Variants in ITIH3 observed in about 807,000 individuals in gnomAD.
ITIH3 encodes the protein inter-alpha-trypsin inhibitor heavy chain H3.
A neutral mutation model predicts 96.5 loss-of-function variants in ITIH3; 81 were observed. The observed-to-expected ratio is 0.84, with a 90% CI of 0.70 to 1.01. ITIH3 has a LOEUF of 1.01. ITIH3 is among the 50% of genes least tolerant of loss of function. The pLI is 0.00. For missense variants in ITIH3, 1,057 were observed against 1,139.3 expected (o/e 0.93, Z 1.04); for synonymous variants, 422 against 445.2 (o/e 0.95, Z 0.66).
At position 52,807,826 on chromosome 3, in the gene ITIH3, G is replaced by C. The variant is rs1339822988; in HGVS notation, c.2341G>C (p.Val781Leu). 6.2e-7 allele frequency: 1 copy of C among 1,611,734 alleles called. No individual in the cohort carries two copies. The highest frequency in any genetic ancestry group is 1.3e-5 in the African/African-American group (1 of 74,888). ...TACCTTCGTGGTCGTCCTACACCAG[G>C]TGTGGAAGAAACATCCTGTCCACCG... is the stretch of plus-strand genomic sequence containing the variant. ...GVTFVVVLHQ[V>L]WKKHPVHRDF... The change falls in exon 20 of 22, where the codon GTG becomes CTG. Residue 781 changes from valine (V) to leucine (L), a missense_variant. Physicochemically the swap from Val to Leu is conservative, Grantham distance 32. Coordinates refer to ENST00000449956, the MANE Select transcript of ITIH3 (RefSeq NM_002217.4).
chr3:52,806,347 G>A lies in ITIH3; in HGVS notation c.1997G>A (p.Cys666Tyr). ...IQIPEKDDAL[C>Y]FNIDEAPGTV... ...ATTCCGGAGAAAGACGATGCCCTCT[G>A]CTTCAACATCGATGAAGCCCCAGGC... Residue 666 changes from cysteine (C) to tyrosine (Y), a missense_variant, in exon 18 of 22, where the codon TGC becomes TAC. Physicochemically the swap from Cys to Tyr is radical, Grantham distance 194. Transcript: ENST00000449956. 1 of 1,614,000 alleles carries A rather than the reference G, an allele frequency of 6.2e-7. No homozygotes were observed. The highest frequency in any genetic ancestry group is 1.1e-5 in the South Asian group (1 of 91,078).
intron 15 of ITIH3, chr3:52,805,228 C>T: frequency 1.1e-6 from 1 of 917,708 alleles, no homozygotes; most frequent in Non-Finnish European, 1.3e-6. Flanking sequence ...TCTCTCACCA[C>T]AAAACTGGAA....
chr3:52,802,657 C>T lies in ITIH3; in HGVS notation c.1570-10C>T. The T allele has an allele frequency of 6.2e-7, 1 of 1,613,864 alleles. No homozygotes were observed. ...CTCCAGCCCCTTGCCTCCTTCTACC[C>T]CCACCCTAGGCCACCAACGACCTGA... On this transcript the variant is annotated splice_polypyrimidine_tract_variant and intron_variant, in intron 12 of 21. Transcript: ENST00000449956.
At chr3:52,802,012 C>G (rs191690359) in intron 11 of ITIH3, among the ~76,000 whole-genome samples, 83 of 152,258 alleles carry the variant, frequency 5.5e-4, no homozygotes, top group African/African-American at 1.9e-3. Flanking sequence ...TCTCTTACTT[C>G]CTTTTCTCCT....
At chr3:52,796,317 T>C (rs1039419294) in intron 2 of ITIH3, among the ~76,000 whole-genome samples, 164 bp from the exon 3 acceptor site, 1 of 152,092 alleles carries the variant, frequency 6.6e-6, no homozygotes, top group South Asian at 2.1e-4. Context: ...ACATGGAGAC[T>C]GGAGACGCCA....
intron 10 of ITIH3, 129 bp from the exon 11 acceptor site, chr3:52,800,836 G>C (rs1699804623): frequency 1.4e-6 from 2 of 1,465,820 alleles, no homozygotes; most frequent in Non-Finnish European, 1.9e-6. Flanking sequence ...TCCACCACCT[G>C]CCCCACAAGG....
At position 52,799,808 on chromosome 3, in the gene ITIH3, A is replaced by C. The variant is rs1378387371; in HGVS notation, c.962A>C (p.Asn321Thr). The C allele has an allele frequency of 1.2e-6, 2 of 1,613,678 alleles. No individual in the cohort carries two copies. The highest frequency in any genetic ancestry group is 2.7e-5 in the African/African-American group (2 of 74,932). Residue 321 changes from asparagine (N) to threonine (T), a missense_variant, in exon 9 of 22, where the codon AAT becomes ACT. Transcript: ENST00000449956. ...GATATGCAAGAGGAAGACTATCTGA[A>C]TTTCATCCTGTTCAGTGGAGATGTG... Reference protein sequence around the residue: ...LEDMQEEDYLNFILFSGDVST... With the variant: ...LEDMQEEDYLTFILFSGDVST...
rs778090412 is a variant in ITIH3, at chr3:52,807,886, C to G, written c.2401C>G (p.Arg801Gly). 1 of 1,612,460 alleles carries G rather than the reference C, an allele frequency of 6.2e-7. No individual in the cohort carries two copies. Among genetic ancestry groups the G allele is most frequent in the Non-Finnish European group, 8.5e-7 (1 of 1,179,348 alleles). Reference sequence around the variant, plus strand: ...AGGCTTCTACGTGGTGGACAGTCACCGGATGTCAGCACAGACGCATGGGCT... The same window carrying G: ...AGGCTTCTACGTGGTGGACAGTCACGGGATGTCAGCACAGACGCATGGGCT... ...FLGFYVVDSHRMSAQTHGLLG... is the reference protein window; with the variant it reads ...FLGFYVVDSHGMSAQTHGLLG... The change falls in exon 20 of 22, where the codon CGG becomes GGG. Residue 801 changes from arginine to glycine, a missense_variant. By Grantham distance (125) the Arg-to-Gly change is moderately radical. Transcript: ENST00000449956.
At chr3:52,797,539 A>T (rs995052099) in intron 5 of ITIH3, among the ~76,000 whole-genome samples, 8 of 152,224 alleles carry the variant, frequency 5.3e-5, no homozygotes, top group Admixed American at 1.3e-4. Flanking sequence ...CACTGGGCAC[A>T]TGGGCATTTT....
At chr3:52,802,581 G>A (rs1012255531) in intron 12 of ITIH3, 62 bp downstream of exon 12, 18 of 1,610,768 alleles carry the variant, frequency 1.1e-5, no homozygotes, top group Non-Finnish European at 1.4e-5. Context: ...GTAGGGCTCT[G>A]GCCTCATGAG....
chr3:52,797,781 T>C, intron 5 of ITIH3, 36 bp from the exon 6 acceptor site: 1 of 1,371,388 alleles, frequency 7.3e-7, no homozygotes, highest in South Asian at 1.2e-5. Context: ...GCCTCTGAGG[T>C]CACTGAGTGA....
At chr3:52,803,732 T>C in intron 13 of ITIH3, 123 bp from the exon 14 acceptor site, 4 of 1,109,360 alleles carry the variant, frequency 3.6e-6, no homozygotes, top group Non-Finnish European at 5.2e-6. Context: ...GGCTGTACCC[T>C]GGGGGACCCC....
intron 11 of ITIH3, 54 bp from the exon 12 acceptor site, chr3:52,802,280 A>G: frequency 6.3e-7 from 1 of 1,579,856 alleles, no homozygotes; most frequent in Non-Finnish European, 8.7e-7. Flanking sequence ...CAGCTGCAGC[A>G]TCAGTGGGAG....
chr3:52,799,977 A>C lies in ITIH3; in HGVS notation c.1075+56A>C. On this transcript the variant is annotated intron_variant, in intron 9 of 21. Transcript: ENST00000449956. The stretch of plus-strand genomic sequence containing the variant: ...CTAGCGGTGCCTCCCTCTGTCCCTG[A>C]GCAGCCTGCAACCCCCCTCTTAGGG... 5 of 1,547,550 alleles carry C rather than the reference A, an allele frequency of 3.2e-6. No individual in the cohort carries two copies. In the Admixed American group the frequency reaches 9.0e-5, roughly 28 times the overall value.
intron 15 of ITIH3, 126 bp downstream of exon 15, chr3:52,804,860 C>A: frequency 1.9e-6 from 2 of 1,063,172 alleles, no homozygotes; most frequent in Non-Finnish European, 2.8e-6. Context: ...TGGGCTCAGG[C>A]CCAGCCCTAT....
Position 52,800,703 on chromosome 3 carries a change from G to A in ITIH3, c.1201+40G>A, listed in dbSNP as rs759086775. The stretch of plus-strand genomic sequence containing the variant: ...CATGGTTTTGAGCTAGGGCTGGAGT[G>A]CTTGGCTGCTGCTCCTGGCTCTGTA... On this transcript the variant is annotated intron_variant, in intron 10 of 21. Transcript: ENST00000449956. 5.0e-6 allele frequency: 8 copies of A among 1,588,256 alleles called. No homozygotes were observed. In the African/African-American group the frequency reaches 9.4e-5, roughly 19 times the overall value.
chr3:52,796,557 C>G lies in ITIH3; in HGVS notation c.191C>G (p.Thr64Ser). 6.2e-7 allele frequency: 1 copy of G among 1,613,668 alleles called. No homozygotes were observed. The highest frequency in any genetic ancestry group is 8.5e-7 in the Non-Finnish European group (1 of 1,179,766). Residue 64 changes from threonine (T) to serine (S), a missense_variant, in exon 3 of 22, where the codon ACC becomes AGC. Coordinates refer to ENST00000449956, the MANE Select transcript of ITIH3 (RefSeq NM_002217.4). Reference sequence around the variant, plus strand: ...TCCCGTTTTGCTCACAATGTTGTCACCATGAGAGCCGTCAACCGTGCAGAC... The same window carrying G: ...TCCCGTTTTGCTCACAATGTTGTCAGCATGAGAGCCGTCAACCGTGCAGAC... ...VTSRFAHNVV[T>S]MRAVNRADTA...
intron 16 of ITIH3, 27 bp from the exon 17 acceptor site, chr3:52,806,076 C>A: frequency 6.3e-7 from 1 of 1,591,130 alleles, no homozygotes; most frequent in South Asian, 1.1e-5. Flanking sequence ...TTGCTTAGCT[C>A]AGCCCTCTCT....
intron 13 of ITIH3, among the ~76,000 whole-genome samples, chr3:52,803,557 G>T (rs921900101): frequency 5.9e-5 from 9 of 152,274 alleles, no homozygotes; most frequent in African/African-American, 2.2e-4. Context: ...GACCTCAGGT[G>T]ATTCACCCGC....
Sources: gnomAD v4.1 joint callset for allele counts (sites outside exome capture counted in the v4.1 genomes callset) on GRCh38, gnomAD v4.1.1 for gene constraint, MANE v1.5 for transcripts, NCBI Gene and HGNC (gene_info 2026-07-23, HGNC 2026-07-21) for gene names.